The following RAP1GAP2 variants were observed in gnomAD, a reference collection of about 807,000 sequenced individuals.
RAP1GAP2 encodes the protein RAP1 GTPase activating protein 2.
A neutral mutation model predicts 95.0 loss-of-function variants in RAP1GAP2; 27 were observed. That is an observed-to-expected ratio of 0.28 (90% confidence interval 0.21 to 0.39). RAP1GAP2 has a LOEUF of 0.39. RAP1GAP2 is among the 10% of genes least tolerant of loss of function. The pLI, the probability that RAP1GAP2 is intolerant of heterozygous loss-of-function variation, is 1.00. For missense variants in RAP1GAP2, 771 were observed against 970.0 expected, an observed-to-expected ratio of 0.79 and a Z score of 2.72; for synonymous variants, 373 against 380.9, an observed-to-expected ratio of 0.98 and a Z score of 0.24.
intron 8 of RAP1GAP2, among the ~76,000 whole-genome samples, chr17:2,970,510 A>T (rs1397704469): frequency 6.6e-6 from 1 of 152,176 alleles, no homozygotes; most frequent in African/African-American, 2.4e-5. Flanking sequence ...TTCACCAGTA[A>T]TGTATCAAAG....
At chr17:3,013,853 C>T (rs1265161429) in intron 17 of RAP1GAP2, among the ~76,000 whole-genome samples, 3 of 151,914 alleles carry the variant, frequency 2.0e-5, no homozygotes, top group Admixed American at 6.6e-5. Context: ...CTTTTTCTGT[C>T]CAATGCCTGT....
chr17:2,883,960 C>T (rs1051364299), intron 2 of RAP1GAP2, among the ~76,000 whole-genome samples: 6 of 152,226 alleles, frequency 3.9e-5, no homozygotes, highest in Non-Finnish European at 1.5e-5. Context: ...TAGACAGGCC[C>T]CTGTGGTTAC....
intron 2 of RAP1GAP2, among the ~76,000 whole-genome samples, chr17:2,829,941 C>T (rs907195984): frequency 3.3e-5 from 5 of 151,906 alleles, no homozygotes; most frequent in African/African-American, 1.2e-4. Flanking sequence ...TGTGAGCCAC[C>T]GTACCTGGCA....
chr17:2,788,264 T>C (rs1446482149), intron 1 of RAP1GAP2, among the ~76,000 whole-genome samples: 1 of 152,126 alleles, frequency 6.6e-6, no homozygotes, highest in East Asian at 1.9e-4. Flanking sequence ...AGATTTATTA[T>C]GAGGGATTGG....
At chr17:3,020,421 G>A in intron 18 of RAP1GAP2, 56 bp from the exon 19 acceptor site, 6 of 1,392,056 alleles carry the variant, frequency 4.3e-6, no homozygotes, top group Non-Finnish European at 6.1e-6. Context: ...GAGGATGAGG[G>A]GATAGGAGAT....
intron 3 of RAP1GAP2, among the ~76,000 whole-genome samples, chr17:2,909,210 C>T (rs1448615518): frequency 6.6e-6 from 1 of 151,948 alleles, no homozygotes; most frequent in African/African-American, 2.4e-5. Flanking sequence ...GCAGAGGAGG[C>T]TGGGCCCGGA....
chr17:2,963,396 G>T lies in RAP1GAP2; in HGVS notation c.247-34G>T. ...GGTCAGACTTTACGGGCACTGCCGG[G>T]ACTAACGGTGGCATCATCTGGTTTG... On this transcript the variant is annotated intron_variant, in intron 5 of 24. Coordinates refer to ENST00000254695, the MANE Select transcript of RAP1GAP2 (RefSeq NM_015085.5). The surrounding 1 kb of genome is among the most constrained non-coding windows in gnomAD (Gnocchi z 4.8). 6.2e-7 allele frequency: 1 copy of T among 1,613,610 alleles called. No homozygotes were observed. Among genetic ancestry groups the T allele is most frequent in the Non-Finnish European group, 8.5e-7 (1 of 1,179,730 alleles).
upstream of RAP1GAP2, among the ~76,000 whole-genome samples, chr17:2,793,193 G>A (rs368608885): frequency 1.4e-5 from 2 of 148,056 alleles, no homozygotes; most frequent in African/African-American, 2.5e-5. Context: ...CGCTCTTGTC[G>A]CCCAGGCTGG....
chr17:3,026,499 C>T (rs761032229), intron 21 of RAP1GAP2, 35 bp downstream of exon 21: 1 of 1,477,812 alleles, frequency 6.8e-7, no homozygotes, highest in Non-Finnish European at 9.1e-7. Context: ...GGCAGGCACT[C>T]TGGGGCGTCA....
At chr17:2,852,574 G>C (rs2071905604) in intron 2 of RAP1GAP2, among the ~76,000 whole-genome samples, 1 of 152,138 alleles carries the variant, frequency 6.6e-6, no homozygotes, top group African/African-American at 2.4e-5. Context: ...GTGTTTGCTT[G>C]AACACCAGAC....
chr17:2,995,953 TGG>T (rs56322333), intron 13 of RAP1GAP2, among the ~76,000 whole-genome samples: 86,949 of 151,888 alleles, frequency 0.57, 25,260 homozygotes, highest in East Asian at 0.76. Flanking sequence ...ATCTATAAAA[TGG>T]GGGGTAACAC....
In RAP1GAP2 at chr17:2,798,826, G is replaced by A. The variant is rs536911162; in HGVS notation, c.45-1689G>A. ...CTGGTGGGCTGGCTGCTGTGTAGGC[G>A]TGGTTTGAACCAGGGCTGCTGTGAC... On this transcript the variant is annotated intron_variant, in intron 1 of 24. Transcript: ENST00000254695. 3.9e-5 allele frequency among the ~76,000 whole-genome samples: 6 copies of A among 152,332 alleles called. No individual in the cohort carries two copies. In the East Asian group the frequency reaches 1.2e-3, roughly 29 times the overall value.
At chr17:2,816,945 C>T (rs1479098745) in intron 2 of RAP1GAP2, among the ~76,000 whole-genome samples, 1 of 111,134 alleles carries the variant, frequency 9.0e-6, no homozygotes, top group Admixed American at 8.8e-5. Context: ...ATAATGTCTT[C>T]AAGGTTCATC....
intron 1 of RAP1GAP2, among the ~76,000 whole-genome samples, chr17:2,758,093 T>G (rs899634836): frequency 4.0e-5 from 6 of 150,264 alleles, no homozygotes; most frequent in Non-Finnish European, 7.4e-5. Flanking sequence ...ATGGTGTCGA[T>G]CTCCTGACCT....
Position 2,867,860 on chromosome 17 carries a change from C to T in RAP1GAP2, c.81-37424C>T, listed in dbSNP as rs1299162650. 6.6e-6 allele frequency among the ~76,000 whole-genome samples: 1 copy of T among 152,158 alleles called. No homozygotes were observed. Among genetic ancestry groups the T allele is most frequent in the Admixed American group, 6.5e-5 (1 of 15,278 alleles). On this transcript the variant is annotated intron_variant, in intron 2 of 24. Transcript: ENST00000254695. This position sits in a 1 kb window ranked among gnomAD's most constrained non-coding sequence, Gnocchi z 4.5. ...TGGTGGCTGCAGCTGCTGGTACCCTCCCAGACGCAAGGAGGCTTCCTTCTG... is the reference window on the plus strand; with the variant it reads ...TGGTGGCTGCAGCTGCTGGTACCCTTCCAGACGCAAGGAGGCTTCCTTCTG...
At position 2,802,489 on chromosome 17, in the gene RAP1GAP2, C is replaced by T. The variant is rs184641589; in HGVS notation, c.80+1939C>T. ...CTTTGGGAGGCCAAGGTGGGTGGAT[C>T]GCCTGAGGTCAGGAGTTCGAGACCA... On this transcript the variant is annotated intron_variant, in intron 2 of 24. Coordinates refer to ENST00000254695, the MANE Select transcript of RAP1GAP2 (RefSeq NM_015085.5). 5.3e-4 allele frequency among the ~76,000 whole-genome samples: 80 copies of T among 152,136 alleles called. 1 individual carries two copies. In the East Asian group the frequency reaches 8.3e-3, roughly 16 times the overall value.
rs146580295 is a variant in RAP1GAP2 at position 3,018,072 on chromosome 17, C to T, written c.1506C>T (p.Arg502=). 225 of 1,587,630 alleles carry T rather than the reference C, an allele frequency of 1.4e-4. No homozygotes were observed. In the African/African-American group the frequency reaches 2.4e-3, roughly 17 times the overall value. Residue 502 remains arginine (R), a synonymous_variant, in exon 18 of 25, where the codon CGC becomes CGT. Transcript: ENST00000254695. ...GFLESFKRAI[R]VRSHSMETMV... ...TTCTCTCCCCGTAGAGGGCCATCCG[C>T]GTACGCAGCCACTCCATGGAGACCA...
At chr17:2,892,912 G>T (rs1371806998) in intron 2 of RAP1GAP2, among the ~76,000 whole-genome samples, 1 of 151,994 alleles carries the variant, frequency 6.6e-6, no homozygotes, top group Non-Finnish European at 1.5e-5. Context: ...TTCTTGGTCG[G>T]CTATTTGATC....
In RAP1GAP2 at chr17:2,797,720, C is replaced by G; in HGVS notation, c.44+1149C>G. On this transcript the variant is annotated intron_variant, in intron 1 of 24. Transcript: ENST00000254695. The surrounding 1 kb of genome is among the most constrained non-coding windows in gnomAD (Gnocchi z 5.6). Reference sequence around the variant, plus strand: ...TGGTGCGGATGAGAAGATGGCACAGCGTCGCCTGTGTCTGCTCTCGGGCCC... The same window carrying G: ...TGGTGCGGATGAGAAGATGGCACAGGGTCGCCTGTGTCTGCTCTCGGGCCC... 1.0e-6 allele frequency: 1 copy of G among 985,338 alleles called. No individual in the cohort carries two copies. The highest frequency in any genetic ancestry group is 1.2e-6 in the Non-Finnish European group (1 of 829,910). The allele number at this position is 985,338 out of a possible 1,614,324, so 61.0% of individuals were successfully genotyped here.
Sources: gnomAD v4.1 joint callset for allele counts (sites outside exome capture counted in the v4.1 genomes callset) on GRCh38, gnomAD v4.1.1 for gene constraint, Gnocchi (gnomAD v3.1) non-coding constraint, MANE v1.5 for transcripts, NCBI Gene and HGNC (gene_info 2026-07-23, HGNC 2026-07-21) for gene names.